Variants in IFT88 observed in about 807,000 individuals in gnomAD.
The protein encoded by IFT88 is intraflagellar transport 88.
In IFT88, 74 loss-of-function variants were observed where a neutral mutation model predicts 119.5. The ratio of observed to expected loss-of-function variants is 0.62; its 90% CI spans 0.51 to 0.75. The LOEUF is 0.75. Ranked by LOEUF, IFT88 falls within the 30% of genes least tolerant of loss-of-function variation. The probability of loss-of-function intolerance (pLI) is 0.00; values close to 1 mark genes in which losing one functional copy is unlikely to be tolerated. For missense variants in IFT88, 961 were observed against 977.7 expected, an observed-to-expected ratio of 0.98 and a Z score of 0.23; for synonymous variants, 279 against 316.7, an observed-to-expected ratio of 0.88 and a Z score of 1.26.
chr13:20,616,605 T>C (rs565851706), intron 14 of IFT88, among the ~76,000 whole-genome samples: 43 of 152,372 alleles, frequency 2.8e-4, no homozygotes, highest in African/African-American at 9.4e-4. Context: ...CACCCTATGA[T>C]ATTTGCACAA....
chr13:20,602,574 C>T (rs916302557), intron 12 of IFT88, among the ~76,000 whole-genome samples: 42 of 152,080 alleles, frequency 2.8e-4, no homozygotes, highest in African/African-American at 9.9e-4. Context: ...GAGGGAACCT[C>T]AACTGTGTAT....
At position 20,599,551 on chromosome 13, in the gene IFT88, C is replaced by A; in HGVS notation, c.798C>A (p.Val266=). 6.8e-7 allele frequency: 1 copy of A among 1,477,924 alleles called. No homozygotes were observed. Among genetic ancestry groups the A allele is most frequent in the South Asian group, 1.2e-5 (1 of 80,776 alleles). The allele number at this position is 1,477,924 out of a possible 1,614,324, so 91.6% of individuals were successfully genotyped here. Residue 266 remains valine, a synonymous_variant, in exon 11 of 26, where the codon GTC becomes GTA. Coordinates refer to ENST00000351808, the MANE Select transcript of IFT88 (RefSeq NM_006531.5). ...TGGCATTAGACCAAGTTCCAAGTGT[C>A]AATAAGCAAATGAGGTAAGTTTATA... The part of the protein sequence containing the change: ...YRMALDQVPS[V]NKQMRIKIMQ...
intron 13 of IFT88, among the ~76,000 whole-genome samples, chr13:20,611,107 T>C (rs868407698): frequency 1.3e-5 from 2 of 148,720 alleles, no homozygotes; most frequent in Middle Eastern, 3.4e-3. Context: ...ATAATAATAA[T>C]TAATAATAAT....
chr13:20,681,347 G>A (rs1376493464), intron 24 of IFT88, among the ~76,000 whole-genome samples: 3 of 152,184 alleles, frequency 2.0e-5, no homozygotes, highest in South Asian at 2.1e-4. Context: ...TCTCCTAAAC[G>A]AGGGAACATG....
At chr13:20,676,660 T>C (rs1163705028) in intron 24 of IFT88, among the ~76,000 whole-genome samples, 2 of 152,350 alleles carry the variant, frequency 1.3e-5, no homozygotes, top group Admixed American at 6.5e-5. Flanking sequence ...CTAGTGCTTA[T>C]AAATAAAAAT....
intron 16 of IFT88, among the ~76,000 whole-genome samples, chr13:20,633,057 G>A (rs1026292428): frequency 6.6e-6 from 1 of 152,180 alleles, no homozygotes; most frequent in Non-Finnish European, 1.5e-5. Context: ...TTAGTTGCAT[G>A]TCTAGAGGAG....
At position 20,621,526 on chromosome 13, in the gene IFT88, T is replaced by TAAAAAAA. The variant is rs200491393; in HGVS notation, c.1200-4199_1200-4193dup. ...TCAATTTTCCCAAAACCTGCTGAGA[T>TAAAAAAA]AAAAAAAAAAAAAAAAAAAAAAAAA... is the stretch of plus-strand genomic sequence containing the variant. On this transcript the variant is annotated intron_variant, in intron 14 of 25. Coordinates refer to ENST00000351808, the MANE Select transcript of IFT88 (RefSeq NM_006531.5). Among the ~76,000 whole-genome samples the TAAAAAAA allele has an allele frequency of 2.1e-3, 268 of 130,694 alleles. 1 individual carries two copies. The highest frequency in any genetic ancestry group is 4.0e-3 in the Middle Eastern group (1 of 252). The allele number at this position is 130,694 out of a possible 152,430, so 85.7% of individuals were successfully genotyped here.
rs57202566 is a variant in IFT88, at chr13:20,578,034, C to CT, written c.90+3587dup. ...TATTGTGGCTTCAGTCTTGTTACTT[C>CT]TTTTTTTTTTTTTTTTTTTTTTTTT... On this transcript the variant is annotated intron_variant, in intron 2 of 25. Transcript: ENST00000351808. Among the ~76,000 whole-genome samples, 118 of 55,862 alleles carry CT rather than the reference C, an allele frequency of 2.1e-3. 14 individuals are homozygous for CT. Among genetic ancestry groups the CT allele is most frequent in the African/African-American group, 3.6e-3 (56 of 15,412 alleles). 36.6% of individuals were successfully genotyped at this position (55,862 alleles called of 152,430 possible).
chr13:20,580,377 C>T (rs190761137), intron 2 of IFT88, among the ~76,000 whole-genome samples: 82 of 152,070 alleles, frequency 5.4e-4, no homozygotes, highest in African/African-American at 1.8e-3. Context: ...ATTAGCCAGC[C>T]GTGGTGGCGG....
chr13:20,588,806 C>T (rs1014453745), intron 3 of IFT88, among the ~76,000 whole-genome samples: 3 of 152,112 alleles, frequency 2.0e-5, no homozygotes, highest in Admixed American at 6.5e-5. Context: ...TTAATCCAGT[C>T]GGGTTTGAGA....
chr13:20,627,686 C>G (rs1264555121), intron 15 of IFT88, among the ~76,000 whole-genome samples: 1 of 145,696 alleles, frequency 6.9e-6, no homozygotes, highest in Admixed American at 7.0e-5. Context: ...AGCTGAGATC[C>G]CACCACTGCA....
intron 2 of IFT88, among the ~76,000 whole-genome samples, chr13:20,577,913 T>C (rs1415471504): frequency 2.0e-5 from 3 of 152,138 alleles, no homozygotes; most frequent in Non-Finnish European, 4.4e-5. Context: ...TTTGGAGTAA[T>C]TTGAGTAGGA....
At chr13:20,582,070 G>C (rs1275938679) in intron 2 of IFT88, among the ~76,000 whole-genome samples, 1 of 151,698 alleles carries the variant, frequency 6.6e-6, no homozygotes, top group Non-Finnish European at 1.5e-5. Context: ...GTGGGAAGTA[G>C]ATTGAAATAA....
At chr13:20,604,027 C>T (rs966037045) in intron 12 of IFT88, among the ~76,000 whole-genome samples, 1 of 152,154 alleles carries the variant, frequency 6.6e-6, no homozygotes, top group Non-Finnish European at 1.5e-5. Flanking sequence ...CAACATTGCT[C>T]TCCAGCCTGG....
chr13:20,685,333 C>T (rs770420752), intron 24 of IFT88, among the ~76,000 whole-genome samples: 7 of 152,174 alleles, frequency 4.6e-5, no homozygotes, highest in Non-Finnish European at 8.8e-5. Flanking sequence ...CACGAGCATG[C>T]CACATTGCTG....
chr13:20,581,555 G>A (rs776915812), intron 2 of IFT88, among the ~76,000 whole-genome samples: 20 of 152,142 alleles, frequency 1.3e-4, no homozygotes, highest in Non-Finnish European at 2.8e-4. Flanking sequence ...TTATGTAGTT[G>A]ATATGGAAGG....
chr13:20,629,626 T>C (rs1306814464), intron 15 of IFT88, among the ~76,000 whole-genome samples: 1 of 152,220 alleles, frequency 6.6e-6, no homozygotes. Context: ...TTGAGTATTT[T>C]AAAATCTTCT....
Position 20,605,038 on chromosome 13 carries a change from G to C in IFT88, c.1045G>C (p.Asp349His). The change falls in exon 13 of 26, where the codon GAT becomes CAT. Residue 349 changes from aspartate to histidine, a missense_variant. Coordinates refer to ENST00000351808, the MANE Select transcript of IFT88 (RefSeq NM_006531.5). ...TTCTTCCATTTTATTTTACCAGGAT[G>C]ATCCTCATACTAACTTAGTAACTGA... The part of the protein sequence containing the change: ...DEDKYISPSD[D>H]PHTNLVTEAI... 1 of 1,407,132 alleles carries C rather than the reference G, an allele frequency of 7.1e-7. No homozygotes were observed. The allele number at this position is 1,407,132 out of a possible 1,614,324, so 87.2% of individuals were successfully genotyped here.
chr13:20,651,609 C>T (rs1472577871), intron 20 of IFT88, among the ~76,000 whole-genome samples: 3 of 151,686 alleles, frequency 2.0e-5, no homozygotes, highest in African/African-American at 7.3e-5. Flanking sequence ...TCCACGGTTT[C>T]AGTTACCCTC....
Sources: allele counts gnomAD v4.1 joint callset (sites outside exome capture counted in the v4.1 genomes callset), GRCh38; gene constraint gnomAD v4.1.1; transcripts MANE v1.5; gene names NCBI Gene and HGNC (gene_info 2026-07-23, HGNC 2026-07-21).